The following R3HDM1 variants were observed in gnomAD, a reference collection of about 807,000 sequenced individuals.
R3HDM1 encodes the protein R3H domain-containing protein 1.
A neutral mutation model predicts 141.1 loss-of-function variants in R3HDM1; 46 were observed. That is an observed-to-expected ratio of 0.33 (90% CI 0.26 to 0.42). The LOEUF (loss-of-function observed/expected upper bound fraction) is 0.42. Among genes scored for constraint, R3HDM1 ranks in the 10% least tolerant of loss-of-function variants. The probability of loss-of-function intolerance (pLI) is 1.00; values close to 1 mark genes in which losing one functional copy is unlikely to be tolerated. For synonymous variants in R3HDM1, 435 were observed against 472.9 expected (o/e 0.92, Z 1.04); for missense variants, 1,184 against 1,368.3 (o/e 0.87, Z 2.12).
rs188743941 is a variant in R3HDM1 at position 135,711,886 on chromosome 2, G to A, written c.2736+1655G>A. Among the ~76,000 whole-genome samples, 623 of 149,956 alleles carry A rather than the reference G, an allele frequency of 4.2e-3. 7 individuals carry two copies. The highest frequency in any genetic ancestry group is 0.014 in the African/African-American group (588 of 40,986). ...AGGCAGTAGAATTGCTTGAACCCAG[G>A]AGGCAGAGGTTGCAGTGATCTGAGA... On this transcript the variant is annotated intron_variant, in intron 23 of 26. Coordinates refer to ENST00000683871, the MANE Select transcript of R3HDM1 (RefSeq NM_001378107.1).
chr2:135,586,615 TCTA>T (rs1158490290), intron 1 of R3HDM1: 1 of 793,960 alleles, frequency 1.3e-6, no homozygotes. Flanking sequence ...GTGATAAAAT[TCTA>T]CTATATTGAA....
rs762864277 is a variant in R3HDM1, at chr2:135,715,574, A to G, written c.2761A>G (p.Ile921Val). The G allele has an allele frequency of 1.2e-6, 2 of 1,614,102 alleles. No individual in the cohort carries two copies. Among genetic ancestry groups the G allele is most frequent in the Non-Finnish European group, 1.7e-6 (2 of 1,179,978 alleles). ...GCACAGCCCTCAACTCAGTAGCCCC[A>G]TTATTTCACCAGCTCAGTCGCCAGC... ...VQHSPQLSSP[I>V]ISPAQSPAPA... is the part of the protein sequence containing the mutation. Residue 921 changes from isoleucine to valine, a missense_variant, in exon 24 of 27, where the codon ATT (isoleucine) becomes GTT (valine). Coordinates refer to ENST00000683871, the MANE Select transcript of R3HDM1 (RefSeq NM_001378107.1).
At position 135,645,455 on chromosome 2, in the gene R3HDM1, A is replaced by T; in HGVS notation, c.1551A>T (p.Gln517His). The change falls in exon 16 of 27, where the codon CAA becomes CAT. Residue 517 changes from glutamine (Q) to histidine (H), a missense_variant. Around this residue, in one of 5 missense-constraint regions of R3HDM1, gnomAD observed 563 missense variants for 562.0 expected, o/e 1.00. Coordinates refer to ENST00000683871, the MANE Select transcript of R3HDM1 (RefSeq NM_001378107.1). ...TGACTCAACAACCAGTTAGATCCCA[A>T]GTGCCTGGACCTCCACAGCCACCTC... ...PPMTQQPVRS[Q>H]VPGPPQPPLP... The T allele has an allele frequency of 6.2e-7, 1 of 1,613,830 alleles. No homozygotes were observed. The highest frequency in any genetic ancestry group is 8.5e-7 in the Non-Finnish European group (1 of 1,179,736).
Position 135,710,084 on chromosome 2 carries a change from G to C in R3HDM1, c.2589G>C (p.Gly863=), listed in dbSNP as rs751763286. ...CTGGACCACCACCGCCACCTGGTGG[G>C]GGGATGGTGATGATGCAGCTCAGTG... The part of the protein sequence containing the change: ...CTAGPPPPPG[G]GMVMMQLSVP... Residue 863 remains glycine, a synonymous_variant, in exon 23 of 27, where the codon GGG becomes GGC. Transcript: ENST00000683871. The C allele has an allele frequency of 2.5e-6, 4 of 1,613,850 alleles. No homozygotes were observed. Among genetic ancestry groups the C allele is most frequent in the African/African-American group, 1.3e-5 (1 of 75,022 alleles).
At chr2:135,569,096 A>G (rs1703470259) in intron 1 of R3HDM1, among the ~76,000 whole-genome samples, 1 of 152,214 alleles carries the variant, frequency 6.6e-6, no homozygotes. Context: ...TCTGGAATAC[A>G]TAGGCTAGAT....
chr2:135,556,296 A>G (rs1287360380), intron 1 of R3HDM1, among the ~76,000 whole-genome samples: 1 of 152,090 alleles, frequency 6.6e-6, no homozygotes, highest in Admixed American at 6.6e-5. Context: ...AATTGATTGT[A>G]GTGAGGGTCA....
intron 21 of R3HDM1, among the ~76,000 whole-genome samples, chr2:135,707,050 G>A (rs1014712087): frequency 3.9e-5 from 6 of 152,128 alleles, no homozygotes; most frequent in East Asian, 1.9e-4. Flanking sequence ...CTGGCTGGGC[G>A]GGGGGCTGGC....
At chr2:135,691,385 G>A (rs1001522522) in intron 21 of R3HDM1, among the ~76,000 whole-genome samples, 2 of 152,182 alleles carry the variant, frequency 1.3e-5, no homozygotes, top group African/African-American at 4.8e-5. Flanking sequence ...AGGCCAAGGT[G>A]AGTGGATCGC....
In R3HDM1 at chr2:135,651,725, T is replaced by C; in HGVS notation, c.1726-5T>C. On this transcript the variant is annotated splice_region_variant and splice_polypyrimidine_tract_variant and intron_variant, in intron 17 of 26. Coordinates refer to ENST00000683871, the MANE Select transcript of R3HDM1 (RefSeq NM_001378107.1). ...TTACTAATTTTTGACTTCTTCCTTT[T>C]TTAGCAGGATAACCTAGGGTCTCAG... 8.2e-6 allele frequency: 13 copies of C among 1,591,718 alleles called. No homozygotes were observed. The highest frequency in any genetic ancestry group is 1.1e-5 in the Non-Finnish European group (13 of 1,165,166).
intron 21 of R3HDM1, 41 bp downstream of exon 21, chr2:135,680,365 GTT>G: frequency 6.2e-7 from 1 of 1,602,602 alleles, no homozygotes; most frequent in Non-Finnish European, 8.5e-7. Flanking sequence ...GCTTCTCATT[GTT>G]TACCAGGATT....
chr2:135,544,886 A>G (rs953703328), intron 1 of R3HDM1, among the ~76,000 whole-genome samples: 3 of 152,036 alleles, frequency 2.0e-5, no homozygotes, highest in African/African-American at 7.3e-5. Context: ...ATTCGTTTCA[A>G]CCCCAGAGGC....
chr2:135,713,288 C>T (rs2075855685), intron 23 of R3HDM1, among the ~76,000 whole-genome samples: 1 of 152,158 alleles, frequency 6.6e-6, no homozygotes, highest in African/African-American at 2.4e-5. Flanking sequence ...AAATATAAAA[C>T]TACTTTTCAT....
intron 23 of R3HDM1, among the ~76,000 whole-genome samples, chr2:135,713,917 G>A (rs965509618): frequency 1.3e-5 from 2 of 152,084 alleles, no homozygotes; most frequent in Non-Finnish European, 2.9e-5. Context: ...GAATTCATGA[G>A]TCCATACTGA....
At chr2:135,579,622 A>C (rs1706326299) in intron 1 of R3HDM1, among the ~76,000 whole-genome samples, 1 of 150,898 alleles carries the variant, frequency 6.6e-6, no homozygotes, top group African/African-American at 2.5e-5. Context: ...GGCAGATACC[A>C]CCTTAACCAG....
chr2:135,536,710 A>G, intron 1 of R3HDM1: 1 of 981,800 alleles, frequency 1.0e-6, no homozygotes, highest in African/African-American at 1.7e-5. Flanking sequence ...TTAGTTGTAC[A>G]ATTAACTTTG....
At chr2:135,637,581 C>G (rs1453446315) in intron 11 of R3HDM1, among the ~76,000 whole-genome samples, 2 of 152,028 alleles carry the variant, frequency 1.3e-5, no homozygotes, top group African/African-American at 4.8e-5. Flanking sequence ...TCAGGAAGTA[C>G]AGGTTGCAGT....
intron 21 of R3HDM1, among the ~76,000 whole-genome samples, chr2:135,686,346 A>G (rs2071340195): frequency 6.6e-6 from 1 of 152,366 alleles, no homozygotes; most frequent in Middle Eastern, 3.4e-3. Context: ...AAGAATTGAA[A>G]TCAGTATCTC....
chr2:135,554,511 C>A (rs1700372479), intron 1 of R3HDM1, among the ~76,000 whole-genome samples: 1 of 152,146 alleles, frequency 6.6e-6, no homozygotes, highest in African/African-American at 2.4e-5. Flanking sequence ...TTTCATATCT[C>A]TTGGTTATAT....
At chr2:135,591,002 G>A (rs1709145024) in intron 1 of R3HDM1, among the ~76,000 whole-genome samples, 1 of 152,118 alleles carries the variant, frequency 6.6e-6, no homozygotes, top group African/African-American at 2.4e-5. Flanking sequence ...ATAAAGGGTG[G>A]CACATTAGTA....
Sources: allele counts gnomAD v4.1 joint callset (sites outside exome capture counted in the v4.1 genomes callset), GRCh38; gene constraint gnomAD v4.1.1; regional missense constraint gnomAD v4.1.1; transcripts MANE v1.5; gene names NCBI Gene and HGNC (gene_info 2026-07-23, HGNC 2026-07-21).